The following EPHA5 variants were observed in gnomAD, a reference collection of about 807,000 sequenced individuals.
EPHA5 encodes the protein EPH receptor A5.
In EPHA5, 60 loss-of-function variants were observed where a neutral mutation model predicts 105.0. The ratio of observed to expected loss-of-function variants is 0.57; its 90% confidence interval spans 0.46 to 0.71. The LOEUF (loss-of-function observed/expected upper bound fraction) is 0.71. Among genes scored for constraint, EPHA5 ranks in the 30% least tolerant of loss-of-function variants. The pLI, the probability that EPHA5 is intolerant of heterozygous loss-of-function variation, is 0.00. For missense variants in EPHA5, 1,218 were observed against 1,274.7 expected (o/e 0.96, Z 0.68); for synonymous variants, 513 against 449.1 (o/e 1.14, Z -1.80).
chr4:65,442,622 C>G (rs935325041), intron 5 of EPHA5, among the ~76,000 whole-genome samples: 1 of 152,180 alleles, frequency 6.6e-6, no homozygotes, highest in Non-Finnish European at 1.5e-5. Flanking sequence ...AGTGCTCACA[C>G]ACACTCATGC....
At chr4:65,615,559 T>C (rs565674702) in intron 2 of EPHA5, among the ~76,000 whole-genome samples, 1 of 151,730 alleles carries the variant, frequency 6.6e-6, no homozygotes, top group Non-Finnish European at 1.5e-5. Flanking sequence ...ACCTTCCAAA[T>C]GAAAGATCAC....
intron 3 of EPHA5, among the ~76,000 whole-genome samples, chr4:65,599,004 A>G (rs902078508): frequency 2.0e-5 from 3 of 152,102 alleles, no homozygotes; most frequent in African/African-American, 7.2e-5. Context: ...TGTGAAACAA[A>G]TATTTGCATT....
intron 1 of EPHA5, among the ~76,000 whole-genome samples, chr4:65,660,171 A>T (rs991349644): frequency 3.3e-5 from 5 of 152,124 alleles, no homozygotes; most frequent in Non-Finnish European, 5.9e-5. Context: ...TTGTGGCAAA[A>T]TTTTTTAAAA....
At chr4:65,599,996 G>T (rs192780861) in intron 3 of EPHA5, among the ~76,000 whole-genome samples, 1 of 152,214 alleles carries the variant, frequency 6.6e-6, no homozygotes, top group East Asian at 1.9e-4. Flanking sequence ...GGTCATGGTG[G>T]TCTGAATTAA....
intron 1 of EPHA5, among the ~76,000 whole-genome samples, chr4:65,668,757 T>C (rs2149567520): frequency 6.6e-6 from 1 of 152,212 alleles, no homozygotes; most frequent in South Asian, 2.1e-4. Context: ...TGGGTACTCC[T>C]GGATCAGGTG....
intron 3 of EPHA5, among the ~76,000 whole-genome samples, chr4:65,545,779 C>A (rs1310355366): frequency 6.6e-6 from 1 of 151,748 alleles, no homozygotes; most frequent in Non-Finnish European, 1.5e-5. Context: ...CATGTTGCAC[C>A]AATGATCCAA....
chr4:65,626,743 GA>G (rs1395102146), intron 2 of EPHA5, among the ~76,000 whole-genome samples: 7 of 152,244 alleles, frequency 4.6e-5, no homozygotes, highest in Admixed American at 2.6e-4. Flanking sequence ...TTTTTTAGAA[GA>G]CATTTGTTCA....
At chr4:65,552,982 C>T (rs1435715186) in intron 3 of EPHA5, among the ~76,000 whole-genome samples, 1 of 151,806 alleles carries the variant, frequency 6.6e-6, no homozygotes, top group East Asian at 1.9e-4. Flanking sequence ...GTATGCTTTC[C>T]CAATATTACC....
intron 14 of EPHA5, among the ~76,000 whole-genome samples, chr4:65,339,339 C>A (rs1045291072): frequency 7.9e-5 from 12 of 152,014 alleles, no homozygotes; most frequent in Admixed American, 2.0e-4. Context: ...ACACAGAATT[C>A]CACATAGTAT....
At chr4:65,402,167 T>C (rs11933382) in intron 8 of EPHA5, among the ~76,000 whole-genome samples, 4,930 of 152,170 alleles carry the variant, frequency 0.032, 271 homozygotes, top group African/African-American at 0.11. Flanking sequence ...CTCCTTCCTG[T>C]TGCCTTGTGA....
chr4:65,437,278 G>A (rs1365878647), intron 5 of EPHA5, among the ~76,000 whole-genome samples: 1 of 151,992 alleles, frequency 6.6e-6, no homozygotes, highest in Non-Finnish European at 1.5e-5. Flanking sequence ...GTTTCACAAA[G>A]AGACTCTGGC....
intron 3 of EPHA5, among the ~76,000 whole-genome samples, chr4:65,522,686 G>C (rs549509291): frequency 2.2e-4 from 34 of 151,934 alleles, no homozygotes; most frequent in Non-Finnish European, 3.7e-4. Context: ...AAACAGCAGA[G>C]GAGCTGTTTA....
chr4:65,565,055 G>T (rs1161225850), intron 3 of EPHA5, among the ~76,000 whole-genome samples: 3 of 151,576 alleles, frequency 2.0e-5, no homozygotes, highest in African/African-American at 4.8e-5. Context: ...GCTGGCAGAA[G>T]CATATAGATA....
At chr4:65,591,212 T>G (rs1285286747) in intron 3 of EPHA5, among the ~76,000 whole-genome samples, 1 of 152,144 alleles carries the variant, frequency 6.6e-6, no homozygotes, top group Non-Finnish European at 1.5e-5. Context: ...ACTTATGTTT[T>G]GCAATGAAGA....
At chr4:65,367,531 T>C (rs1015811675) in intron 8 of EPHA5, 107 bp from the exon 9 acceptor site, 18 of 965,602 alleles carry the variant, frequency 1.9e-5, no homozygotes, top group Admixed American at 1.9e-5. Context: ...CTAAACTGAT[T>C]TTCATACTAG....
chr4:65,386,569 C>T (rs1465041131), intron 8 of EPHA5, among the ~76,000 whole-genome samples: 1 of 151,836 alleles, frequency 6.6e-6, no homozygotes, highest in Non-Finnish European at 1.5e-5. Flanking sequence ...TTCTCTCAAA[C>T]AATAACAGTT....
intron 5 of EPHA5, among the ~76,000 whole-genome samples, chr4:65,464,521 A>G (rs1406985501): frequency 6.6e-6 from 1 of 152,130 alleles, no homozygotes; most frequent in East Asian, 1.9e-4. Flanking sequence ...AGTTTTGCCT[A>G]ACAGTAATTT....
intron 5 of EPHA5, among the ~76,000 whole-genome samples, chr4:65,460,191 A>G (rs1727991124): frequency 6.6e-6 from 1 of 151,534 alleles, no homozygotes; most frequent in Non-Finnish European, 1.5e-5. Context: ...TATATATAGG[A>G]AATTTAAATA....
At chr4:65,514,413 T>G (rs1008197347) in intron 3 of EPHA5, among the ~76,000 whole-genome samples, 15 of 152,192 alleles carry the variant, frequency 9.9e-5, no homozygotes, top group African/African-American at 3.4e-4. Context: ...ATCTTGAAGA[T>G]ACTCAAGAGG....
Sources: allele counts gnomAD v4.1 joint callset (sites outside exome capture counted in the v4.1 genomes callset), GRCh38; gene constraint gnomAD v4.1.1; transcripts MANE v1.5; gene names NCBI Gene and HGNC (gene_info 2026-07-23, HGNC 2026-07-21).